CECR2: variants seen among roughly 807,000 people sequenced by gnomAD.
The protein encoded by CECR2 is chromatin remodeling regulator CECR2.
CECR2 carries 30 observed loss-of-function variants against 154.5 expected under a neutral mutation model. The ratio of observed to expected loss-of-function variants is 0.19; its 90% CI spans 0.15 to 0.26. The LOEUF is 0.26. Among genes scored for constraint, CECR2 ranks in the 10% least tolerant of loss-of-function variants. The pLI is 1.00. For missense variants in CECR2, 1,743 were observed against 1,829.3 expected (o/e 0.95, Z 0.86); for synonymous variants, 725 against 683.7 (o/e 1.06, Z -0.94).
chr22:17,393,627 GT>G (rs2053763431), intron 1 of CECR2, among the ~76,000 whole-genome samples: 1 of 152,176 alleles, frequency 6.6e-6, no homozygotes, highest in African/African-American at 2.4e-5. Flanking sequence ...CCCATCAGCA[GT>G]ATATGAGTGT....
intron 8 of CECR2, among the ~76,000 whole-genome samples, chr22:17,512,104 TG>T (rs1255485675): frequency 2.6e-5 from 4 of 152,222 alleles, no homozygotes; most frequent in African/African-American, 9.6e-5. Context: ...GACAATCTCC[TG>T]GGATGGTAGG....
intron 17 of CECR2, chr22:17,550,480 A>G (rs528806970): frequency 1.3e-5 from 2 of 154,424 alleles, no homozygotes; most frequent in African/African-American, 2.4e-5. Flanking sequence ...AAGTTTTACT[A>G]CATACCTCTC....
At chr22:17,476,157 G>A (rs1425885977) in intron 1 of CECR2, among the ~76,000 whole-genome samples, 4 of 148,914 alleles carry the variant, frequency 2.7e-5, no homozygotes, top group Non-Finnish European at 4.4e-5. Context: ...ATTGTCACTC[G>A]GTCACAATTA....
chr22:17,404,279 CAAAAAA>C (rs375565396), intron 1 of CECR2, among the ~76,000 whole-genome samples: 1 of 62,874 alleles, frequency 1.6e-5, no homozygotes. Flanking sequence ...ACCCCCCTGC[CAAAAAA>C]AAAAAAAAAA....
chr22:17,519,387 G>A (rs959917239), intron 8 of CECR2, among the ~76,000 whole-genome samples: 2 of 151,402 alleles, frequency 1.3e-5, no homozygotes, highest in African/African-American at 4.9e-5. Flanking sequence ...TGCCTCCCGA[G>A]TAGCTGGGAC....
At chr22:17,396,280 C>T (rs1210458611) in intron 1 of CECR2, among the ~76,000 whole-genome samples, 2 of 151,222 alleles carry the variant, frequency 1.3e-5, no homozygotes, top group Non-Finnish European at 2.9e-5. Context: ...CGCTGTGGCT[C>T]ACGCCTGTAA....
intron 1 of CECR2, among the ~76,000 whole-genome samples, chr22:17,434,949 C>G (rs779413293): frequency 6.6e-6 from 1 of 152,128 alleles, no homozygotes; most frequent in Non-Finnish European, 1.5e-5. Flanking sequence ...GAAGTACGAG[C>G]TAACCTGCTC....
At chr22:17,379,581 GGTGTGTGTGTGTGTGT>G (rs60634016) in intron 1 of CECR2, among the ~76,000 whole-genome samples, 34 of 137,906 alleles carry the variant, frequency 2.5e-4, no homozygotes, top group Non-Finnish European at 3.3e-4. Flanking sequence ...CTACGTTGAA[GGTGTGTGTGTGTGTGT>G]GTGTGTGTGT....
chr22:17,483,264 A>C (rs2055360714), intron 2 of CECR2, among the ~76,000 whole-genome samples: 1 of 152,246 alleles, frequency 6.6e-6, no homozygotes. Context: ...TTATAGAATA[A>C]GGATATAAAG....
At chr22:17,469,797 C>G (rs919226764) in intron 1 of CECR2, among the ~76,000 whole-genome samples, 2 of 152,196 alleles carry the variant, frequency 1.3e-5, no homozygotes, top group African/African-American at 4.8e-5. Context: ...CTGTTGCCCT[C>G]TTCTCTTGCA....
chr22:17,404,252 C>CT (rs1445861249), intron 1 of CECR2, among the ~76,000 whole-genome samples: 1 of 132,964 alleles, frequency 7.5e-6, no homozygotes, highest in Non-Finnish European at 1.6e-5. Context: ...GTGCGAGACT[C>CT]TGTCCCCATC....
intron 9 of CECR2, among the ~76,000 whole-genome samples, chr22:17,533,161 GA>G (rs1165660507): frequency 6.7e-6 from 1 of 150,232 alleles, no homozygotes; most frequent in Non-Finnish European, 1.5e-5. Flanking sequence ...ACTAAAAATA[GA>G]AAAATTAGCT....
At chr22:17,456,682 C>T (rs1039725169) in intron 1 of CECR2, among the ~76,000 whole-genome samples, 2 of 152,288 alleles carry the variant, frequency 1.3e-5, no homozygotes, top group African/African-American at 4.8e-5. Flanking sequence ...CAACCTTCCT[C>T]AAGCACTGGT....
intron 1 of CECR2, among the ~76,000 whole-genome samples, chr22:17,428,798 T>TTGTGTGTGTGTGTGTGTG (rs60474818): frequency 0.056 from 7,660 of 136,126 alleles, 284 homozygotes; most frequent in South Asian, 0.077. Context: ...ATGTTTTTAT[T>TTGTGTGTGTGTGTGTGTG]TGTGTGTGTG....
upstream of CECR2, chr22:17,369,437 C>CCGGCCCCT (rs1233812445): frequency 3.3e-5 from 5 of 150,916 alleles, no homozygotes; most frequent in African/African-American, 1.2e-4. Flanking sequence ...GGCCCCGCGT[C>CCGGCCCCT]CGGCCCCTCC....
chr22:17,456,654 T>A (rs550981773), intron 1 of CECR2, among the ~76,000 whole-genome samples: 2 of 152,174 alleles, frequency 1.3e-5, no homozygotes, highest in Admixed American at 1.3e-4. Flanking sequence ...AAACATCCCT[T>A]TTTTAAAAAA....
intron 1 of CECR2, among the ~76,000 whole-genome samples, chr22:17,442,731 T>A (rs1369944924): frequency 6.6e-6 from 1 of 152,060 alleles, no homozygotes; most frequent in Non-Finnish European, 1.5e-5. Context: ...GTATTTTTAG[T>A]AGAGACGGGG....
intron 8 of CECR2, among the ~76,000 whole-genome samples, chr22:17,513,327 C>T (rs1291826096): frequency 6.6e-6 from 1 of 152,210 alleles, no homozygotes; most frequent in Non-Finnish European, 1.5e-5. Context: ...AGTTAAGGGA[C>T]AGTAGTTTTA....
chr22:17,536,988 G>A, intron 9 of CECR2, 115 bp from the exon 10 acceptor site: 2 of 1,241,852 alleles, frequency 1.6e-6, no homozygotes, highest in Non-Finnish European at 1.1e-6. Context: ...AGCAGAAGTT[G>A]CTTCATAATC....
Sources: gnomAD v4.1 joint callset for allele counts (sites outside exome capture counted in the v4.1 genomes callset) on GRCh38, gnomAD v4.1.1 for gene constraint, MANE v1.5 for transcripts, NCBI Gene and HGNC (gene_info 2026-07-23, HGNC 2026-07-21) for gene names.